Variants in CA5A observed in about 807,000 individuals in gnomAD.
CA5A encodes the protein carbonic anhydrase 5A, mitochondrial.
A neutral mutation model predicts 37.1 loss-of-function variants in CA5A; 28 were observed. The ratio of observed to expected loss-of-function variants is 0.75; its 90% confidence interval spans 0.56 to 1.03. CA5A has a LOEUF of 1.03. Among genes scored for constraint, CA5A ranks in the 50% least tolerant of loss-of-function variants. CA5A has a pLI of 0.00. For missense variants in CA5A, 444 were observed against 399.9 expected, an observed-to-expected ratio of 1.11 and a Z score of -0.94; for synonymous variants, 171 against 158.4, an observed-to-expected ratio of 1.08 and a Z score of -0.60.
At chr16:87,916,085 G>A (rs903936398) in intron 2 of CA5A, among the ~76,000 whole-genome samples, 24 of 150,506 alleles carry the variant, frequency 1.6e-4, no homozygotes, top group South Asian at 8.4e-4. Flanking sequence ...GGAGAATGGC[G>A]TGAACCCGGG....
chr16:87,888,813 C>G (rs1159597042), intron 6 of CA5A, among the ~76,000 whole-genome samples: 1 of 152,108 alleles, frequency 6.6e-6, no homozygotes, highest in Non-Finnish European at 1.5e-5. Flanking sequence ...GTGTCATTGG[C>G]GAGATCTCAG....
At chr16:87,893,578 C>T (rs913411530) in intron 5 of CA5A, 27 of 669,362 alleles carry the variant, frequency 4.0e-5, no homozygotes, top group Non-Finnish European at 5.4e-5. Context: ...GGAGGGTGGG[C>T]GACCTGCAAG....
chr16:87,925,137 G>T (rs1159997782), intron 2 of CA5A, among the ~76,000 whole-genome samples: 2 of 152,236 alleles, frequency 1.3e-5, no homozygotes, highest in African/African-American at 4.8e-5. Context: ...GCACCCGGGA[G>T]GAGGCAGATG....
chr16:87,915,454 G>C (rs902708977), intron 2 of CA5A, among the ~76,000 whole-genome samples: 2 of 151,616 alleles, frequency 1.3e-5, no homozygotes, highest in Admixed American at 6.6e-5. Flanking sequence ...AGGGTGGTTT[G>C]AGCTCAGGAG....
chr16:87,935,894 C>T (rs1278108670), intron 1 of CA5A, among the ~76,000 whole-genome samples: 5 of 150,360 alleles, frequency 3.3e-5, no homozygotes, highest in Admixed American at 1.3e-4. Context: ...AAAAGAGGGC[C>T]GGGCGCCGTG....
At chr16:87,902,635 G>A (rs184057578) in intron 3 of CA5A, 115 bp from the exon 4 acceptor site, 65 of 674,322 alleles carry the variant, frequency 9.6e-5, no homozygotes, top group African/African-American at 9.3e-4. Context: ...GGCCAGGCGC[G>A]GTGGCTCACA....
chr16:87,891,320 TA>T (rs2055709995), intron 6 of CA5A, among the ~76,000 whole-genome samples: 3 of 151,174 alleles, frequency 2.0e-5, no homozygotes, highest in Non-Finnish European at 3.0e-5. Flanking sequence ...ATACAAAAAT[TA>T]GCCAGGCGTG....
chr16:87,913,981 A>C (rs2056091733), intron 2 of CA5A, among the ~76,000 whole-genome samples: 1 of 152,210 alleles, frequency 6.6e-6, no homozygotes, highest in Non-Finnish European at 1.5e-5. Context: ...CAGCGCGTTC[A>C]TCCACTGTGC....
chr16:87,906,848 A>G (rs2055968601), intron 2 of CA5A, among the ~76,000 whole-genome samples: 1 of 152,160 alleles, frequency 6.6e-6, no homozygotes, highest in African/African-American at 2.4e-5. Context: ...TATTCTCCTT[A>G]AACATACACA....
At chr16:87,908,703 C>G (rs1244327989) in intron 2 of CA5A, among the ~76,000 whole-genome samples, 1 of 152,254 alleles carries the variant, frequency 6.6e-6, no homozygotes, top group African/African-American at 2.4e-5. Context: ...TGTGCTAACT[C>G]TGGGGCTGGA....
Position 87,894,191 on chromosome 16 carries a change from T to C in CA5A, c.619-2237A>G, listed in dbSNP as rs2055768061. ...TCTTCCAGGCTGGAGTGCCGTGGCATGATCTCAGCTCACGGTGGTTGGGCC... is the reference window on the plus strand; with the variant it reads ...TCTTCCAGGCTGGAGTGCCGTGGCACGATCTCAGCTCACGGTGGTTGGGCC... On this transcript the variant is annotated intron_variant, in intron 5 of 6. Transcript: ENST00000649794. 2.0e-5 allele frequency among the ~76,000 whole-genome samples: 3 copies of C among 152,134 alleles called. No individual in the cohort carries two copies. In the South Asian group the frequency reaches 6.2e-4, roughly 32 times the overall value.
exon 5 of CA5A, chr16:87,881,732 C>T (rs2055609212): frequency 6.6e-6 from 1 of 152,250 alleles, no homozygotes; most frequent in Non-Finnish European, 1.5e-5. Flanking sequence ...GGGAGGGAAG[C>T]CTCCTGTTTG....
chr16:87,932,030 C>A (rs1461172342), intron 1 of CA5A, among the ~76,000 whole-genome samples: 1 of 151,218 alleles, frequency 6.6e-6, no homozygotes, highest in Non-Finnish European at 1.5e-5. Context: ...AGGAGAATCA[C>A]TTGAACTCAG....
rs199915941 is a variant in CA5A, at chr16:87,906,578, G to C, written c.341-1674C>G. On this transcript the variant is annotated intron_variant, in intron 2 of 6. Transcript: ENST00000649794. Reference sequence around the variant, plus strand: ...GGAGGCGGAGGTTGCAGTGAGCTGAGAACGTGCCACTGTACTCCAGACTGG... The same window carrying C: ...GGAGGCGGAGGTTGCAGTGAGCTGACAACGTGCCACTGTACTCCAGACTGG... 3.3e-5 allele frequency among the ~76,000 whole-genome samples: 5 copies of C among 152,278 alleles called. No individual in the cohort carries two copies. In the East Asian group the frequency reaches 9.6e-4, roughly 29 times the overall value.
At chr16:87,896,879 A>T (rs1427593230) in intron 5 of CA5A, among the ~76,000 whole-genome samples, 1 of 152,192 alleles carries the variant, frequency 6.6e-6, no homozygotes, top group Non-Finnish European at 1.5e-5. Flanking sequence ...ACCTCAGGTG[A>T]TCCGCCCGCC....
chr16:87,935,745 G>A (rs2056462104), intron 1 of CA5A, among the ~76,000 whole-genome samples: 1 of 151,986 alleles, frequency 6.6e-6, no homozygotes, highest in South Asian at 2.1e-4. Context: ...GTGCAGTGGC[G>A]GGTGCCTGTA....
chr16:87,897,728 G>C (rs946064296), intron 5 of CA5A, among the ~76,000 whole-genome samples: 1 of 152,206 alleles, frequency 6.6e-6, no homozygotes, highest in Admixed American at 6.5e-5. Context: ...TTAAAAACGG[G>C]CTCTTCACCT....
At chr16:87,885,163 AAAAAC>A (rs201119238), downstream of CA5A, 9,950 of 166,076 alleles carry the variant, frequency 0.06, 575 homozygotes, top group African/African-American at 0.16. Flanking sequence ...ACTCCATCTC[AAAAAC>A]AAAACAAAAC....
intron 6 of CA5A, among the ~76,000 whole-genome samples, chr16:87,890,656 C>A (rs1363586429): frequency 6.6e-6 from 1 of 152,124 alleles, no homozygotes; most frequent in African/African-American, 2.4e-5. Flanking sequence ...CACTCTGTCA[C>A]CCAGGTTGGA....
Sources: allele counts gnomAD v4.1 joint callset (sites outside exome capture counted in the v4.1 genomes callset), GRCh38; gene constraint gnomAD v4.1.1; transcripts MANE v1.5; gene names NCBI Gene and HGNC (gene_info 2026-07-23, HGNC 2026-07-21).